Variants in HIP1R observed in about 807,000 individuals in gnomAD.
HIP1R encodes the protein huntingtin-interacting protein 1-related protein.
Under a neutral mutation model 144.2 loss-of-function variants are expected in HIP1R, and 135 were observed. The observed-to-expected ratio is 0.94, with a 90% CI of 0.81 to 1.08. The LOEUF is 1.08. HIP1R is among the 50% of genes least tolerant of loss of function. HIP1R has a pLI of 0.00. For missense variants in HIP1R, 1,462 were observed against 1,432.8 expected (o/e 1.02, Z -0.33); for synonymous variants, 698 against 612.8 (o/e 1.14, Z -2.05).
Position 122,858,405 on chromosome 12 carries a change from G to A in HIP1R, c.2020G>A (p.Gly674Ser). Residue 674 changes from glycine to serine, a missense_variant, in exon 20 of 32, where the codon GGC becomes AGC. Around this residue, in one of 2 missense-constraint regions of HIP1R, gnomAD observed 1,112 missense variants for 1,011.7 expected, o/e 1.10. Coordinates refer to ENST00000253083, the MANE Select transcript of HIP1R (RefSeq NM_003959.3). ...ALDAVSTLEEGHAQYLTSLAD... is the reference protein window; with the variant it reads ...ALDAVSTLEESHAQYLTSLAD... ...GGATGCCGTGAGCACCCTGGAGGAG[G>A]GCCACGCCCAGTACCTGACCTCCTT... 6.2e-7 allele frequency: 1 copy of A among 1,610,508 alleles called. No individual in the cohort carries two copies. Among genetic ancestry groups the A allele is most frequent in the Non-Finnish European group, 8.5e-7 (1 of 1,178,138 alleles).
rs1038382793 is a variant in HIP1R at position 122,851,226 on chromosome 12, T to C, written c.516-10T>C. On this transcript the variant is annotated splice_polypyrimidine_tract_variant and intron_variant, in intron 6 of 31. Transcript: ENST00000253083. ...CCTTTTTCATTTCTTCCCCCACTTC[T>C]CTTGCGTAGCTTCCAGCTCACTGTG... 3 of 1,502,124 alleles carry C rather than the reference T, an allele frequency of 2.0e-6. No homozygotes were observed. In the African/African-American group the frequency reaches 4.3e-5, roughly 22 times the overall value. The allele number at this position is 1,502,124 out of a possible 1,614,324, so 93.0% of individuals were successfully genotyped here.
At chr12:122,847,213 C>T (rs552829686) in intron 1 of HIP1R, among the ~76,000 whole-genome samples, 6 of 148,026 alleles carry the variant, frequency 4.1e-5, no homozygotes, top group Admixed American at 6.7e-5. Flanking sequence ...GAGCCAGGGC[C>T]GGGTTGTAGT....
At chr12:122,854,204 C>T in intron 8 of HIP1R, 21 bp downstream of exon 8, 2 of 1,606,936 alleles carry the variant, frequency 1.2e-6, no homozygotes, top group Non-Finnish European at 1.7e-6. Flanking sequence ...CAGGGCAACC[C>T]CTGGCCCGGA....
chr12:122,847,971 G>T, intron 1 of HIP1R, 60 bp from the exon 2 acceptor site: 2 of 1,518,748 alleles, frequency 1.3e-6, no homozygotes, highest in South Asian at 1.1e-5. Context: ...TCCCCCTTGG[G>T]GTGGTGTCTC....
rs2033577636 is a variant in HIP1R, at chr12:122,856,351, G to A, written c.1401+7G>A. On this transcript the variant is annotated splice_region_variant and intron_variant, in intron 15 of 31. Transcript: ENST00000253083. ...CGCGGAGCTGCTCAGAAAGGTAGGT[G>A]CAGCCCATCCTCCATCCCAGCCGGT... 6.2e-7 allele frequency: 1 copy of A among 1,613,652 alleles called. No homozygotes were observed. Among genetic ancestry groups the A allele is most frequent in the Non-Finnish European group, 8.5e-7 (1 of 1,179,918 alleles).
intron 17 of HIP1R, 30 bp downstream of exon 17, chr12:122,856,756 G>GGTTCTGGGGCCA: frequency 6.6e-7 from 1 of 1,517,662 alleles, no homozygotes; most frequent in Non-Finnish European, 8.9e-7. Context: ...CTGGAGGTGG[G>GGTTCTGGGGCCA]GTTCTGGGGC....
chr12:122,850,992 C>A, intron 6 of HIP1R, 81 bp downstream of exon 6: 1 of 1,278,822 alleles, frequency 7.8e-7, no homozygotes, highest in Non-Finnish European at 1.1e-6. Flanking sequence ...CCCAGGCGTC[C>A]GCATGGGGCA....
At chr12:122,849,064 T>C (rs3896870) in intron 4 of HIP1R, among the ~76,000 whole-genome samples, 127,324 of 151,948 alleles carry the variant, frequency 0.84, 53,675 homozygotes, top group Middle Eastern at 0.91. Flanking sequence ...CCCTCCAGCG[T>C]CGAAGTCACC....
At chr12:122,838,683 A>G (rs1394085351) in intron 1 of HIP1R, among the ~76,000 whole-genome samples, 1 of 152,244 alleles carries the variant, frequency 6.6e-6, no homozygotes, top group East Asian at 1.9e-4. Flanking sequence ...AGGTGGAATT[A>G]GAGTTTTTCA....
At chr12:122,835,990 G>T (rs1446814054) in intron 1 of HIP1R, among the ~76,000 whole-genome samples, 1 of 151,576 alleles carries the variant, frequency 6.6e-6, no homozygotes, top group Non-Finnish European at 1.5e-5. Context: ...AGATGGGGCC[G>T]GGGTTGGGTG....
chr12:122,848,321 T>A, intron 2 of HIP1R, 145 bp from the exon 3 acceptor site: 2 of 1,094,956 alleles, frequency 1.8e-6, no homozygotes, highest in South Asian at 3.2e-5. Context: ...TCCCCTTGGC[T>A]GGACACTGGA....
In HIP1R at chr12:122,856,047, G is replaced by A. The variant is rs754227440; in HGVS notation, c.1196G>A (p.Arg399Gln). 2.9e-5 allele frequency: 47 copies of A among 1,593,860 alleles called. No individual in the cohort carries two copies. The highest frequency in any genetic ancestry group is 4.0e-5 in the African/African-American group (3 of 74,614). Residue 399 changes from arginine (R) to glutamine (Q), a missense_variant, in exon 14 of 32, where the codon CGG (arginine) becomes CAG (glutamine). Arg to Gln is a conservative substitution (Grantham distance 43, BLOSUM62 1). Around this residue, in one of 2 missense-constraint regions of HIP1R, gnomAD observed 1,112 missense variants for 1,011.7 expected, o/e 1.10. Transcript: ENST00000253083. ...NALEGELEEQ[R>Q]KQKQKALVDN... ...CTGGAGGGTGAGCTGGAGGAGCAGCGGAAGCAGAAGCAGAAGGCCCTGGTG... is the reference window on the plus strand; with the variant it reads ...CTGGAGGGTGAGCTGGAGGAGCAGCAGAAGCAGAAGCAGAAGGCCCTGGTG...
intron 1 of HIP1R, among the ~76,000 whole-genome samples, chr12:122,847,306 G>T (rs117050467): frequency 5.9e-5 from 9 of 152,306 alleles, no homozygotes; most frequent in South Asian, 2.1e-4. Flanking sequence ...GCCGGGGCGG[G>T]GGGGGAGGGG....
intron 1 of HIP1R, among the ~76,000 whole-genome samples, chr12:122,843,704 C>T (rs953076508): frequency 4.6e-5 from 7 of 152,128 alleles, no homozygotes; most frequent in African/African-American, 1.4e-4. Flanking sequence ...GGTGTGGACT[C>T]CGAGGATTTT....
rs1333035941 is a variant in HIP1R, at chr12:122,860,101, G to A, written c.2496+24G>A. On this transcript the variant is annotated intron_variant, in intron 25 of 31. Coordinates refer to ENST00000253083, the MANE Select transcript of HIP1R (RefSeq NM_003959.3). ...AGGTGAGGGGCTGTGACCCGGGGGG[G>A]TCTGCACCTGGAGGGCCACCAGTCA... The A allele has an allele frequency of 3.2e-6, 5 of 1,581,072 alleles. No homozygotes were observed. The South Asian group carries it at 4.7e-5, about 15-fold the overall frequency.
upstream of HIP1R, chr12:122,834,749 T>C (rs1299700616): frequency 2.8e-6 from 1 of 362,480 alleles, no homozygotes; most frequent in African/African-American, 2.1e-5. Context: ...TCAGCCCCCA[T>C]TGTCCCTGGA....
chr12:122,853,790 G>A (rs1211457874), intron 7 of HIP1R: 4 of 399,928 alleles, frequency 1.0e-5, no homozygotes, highest in Non-Finnish European at 4.4e-6. Context: ...CCAGGTGGAG[G>A]TCTCTGGAAG....
In HIP1R at chr12:122,860,092, C is replaced by A; in HGVS notation, c.2496+15C>A. The A allele has an allele frequency of 6.3e-7, 1 of 1,578,766 alleles. No homozygotes were observed. The highest frequency in any genetic ancestry group is 8.6e-7 in the Non-Finnish European group (1 of 1,163,182). On this transcript the variant is annotated intron_variant, in intron 25 of 31. Transcript: ENST00000253083. ...ACCTGATGAAGGTGAGGGGCTGTGA[C>A]CCGGGGGGGTCTGCACCTGGAGGGC... is the stretch of plus-strand genomic sequence containing the variant.
At chr12:122,850,075 A>T (rs1276542585) in intron 5 of HIP1R, 120 bp downstream of exon 5, 1 of 745,940 alleles carries the variant, frequency 1.3e-6, no homozygotes, top group South Asian at 1.5e-5. Flanking sequence ...CTTTCCATTC[A>T]CCTTCTTGTC....
Sources: gnomAD v4.1 joint callset for allele counts (sites outside exome capture counted in the v4.1 genomes callset) on GRCh38, gnomAD v4.1.1 for gene constraint, gnomAD v4.1.1 regional missense constraint, MANE v1.5 for transcripts, NCBI Gene and HGNC (gene_info 2026-07-23, HGNC 2026-07-21) for gene names.